PCDH9: variants seen among roughly 807,000 people sequenced by gnomAD.
The protein encoded by PCDH9 is protocadherin 9, also known as protocadherin-9.
Under a neutral mutation model 70.6 loss-of-function variants are expected in PCDH9, and 24 were observed. That is an observed-to-expected ratio of 0.34 (90% CI 0.25 to 0.48). The LOEUF (loss-of-function observed/expected upper bound fraction) is 0.48. Ranked by LOEUF, PCDH9 falls within the 20% of genes least tolerant of loss-of-function variation. PCDH9 has a pLI of 0.99. For synonymous variants in PCDH9, 562 were observed against 558.5 expected (o/e 1.01, Z -0.09); for missense variants, 1,281 against 1,503.6 (o/e 0.85, Z 2.45).
At chr13:66,709,323 C>A (rs534050817) in intron 3 of PCDH9, among the ~76,000 whole-genome samples, 19 of 152,276 alleles carry the variant, frequency 1.2e-4, no homozygotes, top group Non-Finnish European at 2.5e-4. Context: ...AAATATCTTT[C>A]CTAGTCTCAA....
chr13:66,968,186 T>C (rs2083461182), intron 2 of PCDH9, among the ~76,000 whole-genome samples: 1 of 152,090 alleles, frequency 6.6e-6, no homozygotes, highest in South Asian at 2.1e-4. Flanking sequence ...TGCAGGTGAC[T>C]ATAACACTTT....
chr13:66,648,050 C>G (rs1223817394), intron 3 of PCDH9, among the ~76,000 whole-genome samples: 3 of 152,166 alleles, frequency 2.0e-5, no homozygotes, highest in Non-Finnish European at 4.4e-5. Flanking sequence ...AATAGTGCAC[C>G]AGAGAGATTC....
intron 4 of PCDH9, among the ~76,000 whole-genome samples, chr13:66,598,796 C>A (rs1316632585): frequency 6.6e-6 from 1 of 151,764 alleles, no homozygotes; most frequent in East Asian, 1.9e-4. Flanking sequence ...GTATAAATGC[C>A]TCCTAAGAAT....
chr13:66,914,777 CA>C lies in PCDH9; in HGVS notation c.3037-11173del, dbSNP rs1248936673. ...TGTCTTCAAAGAGTTGACAGTATAT[CA>C]AAGTTCATTTTGATCAATTCTCTAC... On this transcript the variant is annotated intron_variant, in intron 2 of 4. Transcript: ENST00000377865. Among the ~76,000 whole-genome samples the C allele has an allele frequency of 8.6e-5, 13 of 151,644 alleles. 1 individual carries two copies.
chr13:66,943,318 C>G (rs764660792), intron 2 of PCDH9, among the ~76,000 whole-genome samples: 1 of 151,918 alleles, frequency 6.6e-6, no homozygotes, highest in Non-Finnish European at 1.5e-5. Context: ...ATTGCTCGGC[C>G]TCTTTTGGTT....
chr13:67,140,765 T>C (rs994311388), intron 2 of PCDH9, among the ~76,000 whole-genome samples: 1 of 152,222 alleles, frequency 6.6e-6, no homozygotes, highest in Admixed American at 6.5e-5. Flanking sequence ...CAGTTTGTTC[T>C]TATTTTGATA....
chr13:66,994,511 G>C (rs2084069878), intron 2 of PCDH9, among the ~76,000 whole-genome samples: 1 of 152,162 alleles, frequency 6.6e-6, no homozygotes, highest in African/African-American at 2.4e-5. Flanking sequence ...TTAAAAACTG[G>C]CACTGACGTT....
intron 4 of PCDH9, among the ~76,000 whole-genome samples, chr13:66,580,227 CAACTT>C (rs1427308570): frequency 2.0e-5 from 3 of 151,916 alleles, no homozygotes; most frequent in Admixed American, 1.3e-4. Context: ...AATTATGTAT[CAACTT>C]AAAACATCTT....
chr13:66,708,088 C>T (rs2139122851), intron 3 of PCDH9, among the ~76,000 whole-genome samples: 1 of 151,678 alleles, frequency 6.6e-6, no homozygotes, highest in East Asian at 1.9e-4. Flanking sequence ...CTCGCTCTGT[C>T]GCCCAGGCTG....
chr13:66,531,486 C>T (rs1028309133), intron 4 of PCDH9, among the ~76,000 whole-genome samples: 1 of 151,956 alleles, frequency 6.6e-6, no homozygotes, highest in Admixed American at 6.6e-5. Context: ...TAGTATGTTA[C>T]GAAAGTCTCA....
intron 4 of PCDH9, among the ~76,000 whole-genome samples, chr13:66,441,365 G>A (rs1957970555): frequency 6.6e-6 from 1 of 151,832 alleles, no homozygotes; most frequent in Non-Finnish European, 1.5e-5. Flanking sequence ...ATCTGTCCTT[G>A]GTTTTAATTT....
chr13:66,427,479 G>A (rs1957691053), intron 4 of PCDH9, among the ~76,000 whole-genome samples: 1 of 151,640 alleles, frequency 6.6e-6, no homozygotes, highest in Non-Finnish European at 1.5e-5. Context: ...GGTTTACATA[G>A]ACATGTGTTT....
chr13:66,458,322 G>A (rs1453298872), intron 4 of PCDH9, among the ~76,000 whole-genome samples: 3 of 151,808 alleles, frequency 2.0e-5, no homozygotes, highest in African/African-American at 7.3e-5. Context: ...AAACTACATA[G>A]TATTTAGATT....
intron 2 of PCDH9, among the ~76,000 whole-genome samples, chr13:67,037,357 CT>C (rs2085030776): frequency 6.6e-6 from 1 of 152,092 alleles, no homozygotes; most frequent in African/African-American, 2.4e-5. Flanking sequence ...AGAGCTGAGC[CT>C]GGGGATATTT....
chr13:66,747,195 C>A (rs1393438750), intron 3 of PCDH9, among the ~76,000 whole-genome samples: 2 of 151,830 alleles, frequency 1.3e-5, no homozygotes, highest in African/African-American at 4.8e-5. Context: ...ACTAAAAATA[C>A]AAAAAATTAG....
rs199511988 is a variant in PCDH9, at chr13:66,905,810, ATAAC to A, written c.3037-2209_3037-2206del. Among the ~76,000 whole-genome samples the A allele has an allele frequency of 2.0e-3, 308 of 152,280 alleles. 13 individuals carry two copies. In the East Asian group the frequency reaches 0.049, roughly 24 times the overall value. On this transcript the variant is annotated intron_variant, in intron 2 of 4. Transcript: ENST00000377865. ...ACTGGTAGAAAACATAATCCATCCT[ATAAC>A]AGATTAGGAAGACACAGGTTCAGGT...
At chr13:67,174,459 T>A (rs2088390870) in intron 2 of PCDH9, among the ~76,000 whole-genome samples, 1 of 152,158 alleles carries the variant, frequency 6.6e-6, no homozygotes, top group South Asian at 2.1e-4. Context: ...GTGTTGATTA[T>A]AAACACTGTT....
At chr13:67,031,005 T>C (rs547766915) in intron 2 of PCDH9, among the ~76,000 whole-genome samples, 1 of 152,176 alleles carries the variant, frequency 6.6e-6, no homozygotes, top group Non-Finnish European at 1.5e-5. Flanking sequence ...AAATGATGTG[T>C]TGAGAGTAAA....
chr13:67,009,274 C>T (rs1271718828), intron 2 of PCDH9, among the ~76,000 whole-genome samples: 2 of 152,080 alleles, frequency 1.3e-5, no homozygotes, highest in Admixed American at 1.3e-4. Flanking sequence ...GCAATTCTAA[C>T]ACACAGTTGC....
Sources: gnomAD v4.1 joint callset for allele counts (sites outside exome capture counted in the v4.1 genomes callset) on GRCh38, gnomAD v4.1.1 for gene constraint, MANE v1.5 for transcripts, NCBI Gene and HGNC (gene_info 2026-07-23, HGNC 2026-07-21) for gene names.